SLC47A2: variants seen among roughly 807,000 people sequenced by gnomAD.
The protein encoded by SLC47A2 is multidrug and toxin extrusion protein 2.
Under a neutral mutation model 67.7 loss-of-function variants are expected in SLC47A2, and 52 were observed. The ratio of observed to expected loss-of-function variants is 0.77; its 90% CI spans 0.61 to 0.97. SLC47A2 has a LOEUF of 0.97. SLC47A2 is among the 50% of genes least tolerant of loss of function. The pLI is 0.00. For missense variants in SLC47A2, 676 were observed against 712.3 expected (o/e 0.95, Z 0.58); for synonymous variants, 278 against 292.9 (o/e 0.95, Z 0.52).
chr17:19,685,516 G>A lies in SLC47A2; in HGVS notation c.1165-3846C>T, dbSNP rs565017050. Among the ~76,000 whole-genome samples the A allele has an allele frequency of 9.9e-5, 15 of 151,860 alleles. No individual in the cohort carries two copies. In the East Asian group the frequency reaches 1.7e-3, roughly 18 times the overall value. On this transcript the variant is annotated intron_variant, in intron 13 of 16. Coordinates refer to ENST00000433844, the MANE Select transcript of SLC47A2 (RefSeq NM_001099646.3). The surrounding 1 kb of genome is among the most constrained non-coding windows in gnomAD (Gnocchi z 4.5). Reference sequence around the variant, plus strand: ...TCGCCCCATCTGGGAGGTGAGGAGCGCCTCTGCCTGGCCGCCCCGTCTGGG... The same window carrying A: ...TCGCCCCATCTGGGAGGTGAGGAGCACCTCTGCCTGGCCGCCCCGTCTGGG...
chr17:19,704,292 A>G, intron 10 of SLC47A2, 114 bp from the exon 11 acceptor site: 2 of 803,864 alleles, frequency 2.5e-6, no homozygotes, highest in Non-Finnish European at 1.9e-6. Flanking sequence ...GATCTCAGGC[A>G]TGCAGTGTAA....
chr17:19,703,213 A>G (rs1162613945), intron 11 of SLC47A2, 46 bp from the exon 12 acceptor site: 76 of 1,578,376 alleles, frequency 4.8e-5, no homozygotes, highest in Non-Finnish European at 6.4e-5. Flanking sequence ...CAAGCCAGGA[A>G]GCACCCTTGC....
rs374586613 is a variant in SLC47A2, at chr17:19,708,999, G to A, written c.487-239C>T. Among the ~76,000 whole-genome samples the A allele has an allele frequency of 3.2e-4, 49 of 152,346 alleles. 1 individual carries two copies. The East Asian group carries it at 9.3e-3, about 29-fold the overall frequency. On this transcript the variant is annotated intron_variant, in intron 5 of 16. Coordinates refer to ENST00000433844, the MANE Select transcript of SLC47A2 (RefSeq NM_001099646.3). ...CCTTCTGCCACAGGGGAGATGAGCA[G>A]GCATGCTTTGGCTCAGAGAGAGTAC... is the stretch of plus-strand genomic sequence containing the variant.
chr17:19,678,670 T>G lies in SLC47A2; in HGVS notation c.*16A>C. The G allele has an allele frequency of 6.2e-7, 1 of 1,610,716 alleles. No homozygotes were observed. The highest frequency in any genetic ancestry group is 8.5e-7 in the Non-Finnish European group (1 of 1,178,678). ...GGGGACAGCCACTCCTGGCTTTCTATTTCCAAGCTTCTTTGCTAGTGCCTG... is the reference window on the plus strand; with the variant it reads ...GGGGACAGCCACTCCTGGCTTTCTAGTTCCAAGCTTCTTTGCTAGTGCCTG... On this transcript the variant is annotated 3_prime_UTR_variant, in exon 17 of 17. Transcript: ENST00000433844.
At position 19,681,674 on chromosome 17, in the gene SLC47A2, G is replaced by T; in HGVS notation, c.1165-4C>A. 6.2e-7 allele frequency: 1 copy of T among 1,607,164 alleles called. No homozygotes were observed. The highest frequency in any genetic ancestry group is 1.1e-5 in the South Asian group (1 of 90,436). ...TCAGAACTCCGCCATAGACACACTA[G>T]GAGGGGAGACAGAAATGGGCAAGAG... On this transcript the variant is annotated splice_polypyrimidine_tract_variant and splice_region_variant and intron_variant, in intron 13 of 16. Transcript: ENST00000433844.
chr17:19,713,413 A>AATCATCATCATC (rs549694670), intron 4 of SLC47A2, among the ~76,000 whole-genome samples: 1 of 147,802 alleles, frequency 6.8e-6, no homozygotes, highest in African/African-American at 2.5e-5. Flanking sequence ...TAATAATAAT[A>AATCATCATCATC]ATCATCATCA....
intron 13 of SLC47A2, among the ~76,000 whole-genome samples, chr17:19,682,363 A>C (rs551111329): frequency 6.6e-5 from 10 of 151,238 alleles, no homozygotes; most frequent in African/African-American, 2.4e-4. Flanking sequence ...ACACACACAC[A>C]CAAATTTATT....
At chr17:19,695,204 G>A (rs2085632313) in intron 13 of SLC47A2, among the ~76,000 whole-genome samples, 1 of 151,946 alleles carries the variant, frequency 6.6e-6, no homozygotes, top group Admixed American at 6.6e-5. Flanking sequence ...CTTGAAAATT[G>A]GTAATAGTAT....
At position 19,713,979 on chromosome 17, in the gene SLC47A2, A is replaced by G. The variant is rs1403401832; in HGVS notation, c.295-6T>C. ...TTGTTGGGGCTGCCGAAGCTCTGCA[A>G]AACAGCCCGCCCCGCGTCAGCCGTT... is the stretch of plus-strand genomic sequence containing the variant. On this transcript the variant is annotated splice_region_variant and splice_polypyrimidine_tract_variant and intron_variant, in intron 3 of 16. Coordinates refer to ENST00000433844, the MANE Select transcript of SLC47A2 (RefSeq NM_001099646.3). The G allele has an allele frequency of 4.3e-6, 7 of 1,610,340 alleles. No homozygotes were observed. The highest frequency in any genetic ancestry group is 5.9e-6 in the Non-Finnish European group (7 of 1,177,522).
In SLC47A2 at chr17:19,704,616, T is replaced by G. The variant is rs1012848100; in HGVS notation, c.910-438A>C. On this transcript the variant is annotated intron_variant, in intron 10 of 16. Coordinates refer to ENST00000433844, the MANE Select transcript of SLC47A2 (RefSeq NM_001099646.3). ...ATGTAGATTTTTGTGACTCCTTTGC[T>G]TAAAGCTGGGGTCAGGGATAACATG... The G allele has an allele frequency of 2.0e-6, 3 of 1,503,928 alleles. No homozygotes were observed. The African/African-American group carries it at 4.2e-5, about 21-fold the overall frequency. The allele number at this position is 1,503,928 out of a possible 1,614,324, so 93.2% of individuals were successfully genotyped here. A position where few individuals can be genotyped will look rare whatever the true frequency, so the allele number is the denominator to read the frequency against.
Position 19,702,423 on chromosome 17 carries a change from G to A in SLC47A2, c.1164+182C>T, listed in dbSNP as rs1288705433. On this transcript the variant is annotated intron_variant, in intron 13 of 16. Transcript: ENST00000433844. ...CTCGTGTAAATTGCAGAAGAAGAGG[G>A]AAGTCACTGTTTGAAATAAGAATGG... The A allele has an allele frequency of 3.0e-6, 3 of 985,294 alleles. No individual in the cohort carries two copies. The African/African-American group carries it at 5.2e-5, about 17-fold the overall frequency. 61.0% of individuals were successfully genotyped at this position (985,294 alleles called of 1,614,324 possible). A position where few individuals can be genotyped will look rare whatever the true frequency, so the allele number is the denominator to read the frequency against.
chr17:19,687,810 C>A (rs2085458763), intron 13 of SLC47A2, among the ~76,000 whole-genome samples: 1 of 152,110 alleles, frequency 6.6e-6, no homozygotes, highest in African/African-American at 2.4e-5. Context: ...GAAACCTGAA[C>A]AGACTAATAA....
intron 13 of SLC47A2, among the ~76,000 whole-genome samples, chr17:19,700,639 C>T (rs1263519816): frequency 6.6e-6 from 1 of 152,012 alleles, no homozygotes; most frequent in Non-Finnish European, 1.5e-5. Flanking sequence ...GTAGTGCACA[C>T]CTGTAGTCCC....
In SLC47A2 at chr17:19,715,228, G is replaced by A; in HGVS notation, c.124-11C>T. ...CACCTGGAACAGGAACTGGAGGACA[G>A]CGGCCAGGTCAGACTCGGGGCCACA... On this transcript the variant is annotated splice_polypyrimidine_tract_variant and intron_variant, in intron 1 of 16. Transcript: ENST00000433844. The A allele has an allele frequency of 6.2e-7, 1 of 1,606,636 alleles. No homozygotes were observed. The highest frequency in any genetic ancestry group is 8.5e-7 in the Non-Finnish European group (1 of 1,179,542).
In SLC47A2 at chr17:19,679,957, G is replaced by T. The variant is rs2085277286; in HGVS notation, c.1475C>A (p.Ser492Tyr). 1.2e-6 allele frequency: 2 copies of T among 1,613,660 alleles called. No individual in the cohort carries two copies. Among genetic ancestry groups the T allele is most frequent in the Non-Finnish European group, 1.7e-6 (2 of 1,179,836 alleles). Residue 492 changes from serine (S) to tyrosine (Y), a missense_variant, in exon 16 of 17, where the codon TCT becomes TAT. Coordinates refer to ENST00000433844, the MANE Select transcript of SLC47A2 (RefSeq NM_001099646.3). ...AGCAGCGGTGACAGTATTACCTGAA[G>T]ATAGGACTGCTTTCTCAGGCCCAGG... ...TRPGPEKAVL[S>Y]SVATGSSPGI...
chr17:19,683,650 A>G (rs1209323935), intron 13 of SLC47A2, among the ~76,000 whole-genome samples: 1 of 152,212 alleles, frequency 6.6e-6, no homozygotes, highest in Admixed American at 6.5e-5. Flanking sequence ...GCCTGTCCAC[A>G]TGGGCTGAAG....
chr17:19,708,646 AG>A, intron 6 of SLC47A2, 69 bp downstream of exon 6: 1 of 1,602,742 alleles, frequency 6.2e-7, no homozygotes, highest in East Asian at 2.2e-5. Flanking sequence ...GGAAAGCCCC[AG>A]GCCCCCCTCC....
chr17:19,707,749 C>T lies in SLC47A2; in HGVS notation c.724G>A (p.Ala242Thr). 1 of 1,586,024 alleles carries T rather than the reference C, an allele frequency of 6.3e-7. No homozygotes were observed. Among genetic ancestry groups the T allele is most frequent in the Non-Finnish European group, 8.6e-7 (1 of 1,166,824 alleles). ...CAGAGCAGGCCAGGCCTCCCACCTG[C>T]CCACGTCTCCAGGTGCAGCTTCTTC... Reference protein sequence around the residue: ...VLKKLHLETWAGWSSQCLQDW... With the variant: ...VLKKLHLETWTGWSSQCLQDW... Residue 242 changes from alanine to threonine, a missense_variant, in exon 8 of 17, where the codon GCA becomes ACA. Coordinates refer to ENST00000433844, the MANE Select transcript of SLC47A2 (RefSeq NM_001099646.3).
At position 19,681,437 on chromosome 17, in the gene SLC47A2, C is replaced by G; in HGVS notation, c.1322G>C (p.Cys441Ser). Residue 441 changes from cysteine to serine, a missense_variant, in exon 15 of 17, where the codon TGT becomes TCT. Transcript: ENST00000433844. ...IMGLWLGMLA[C>S]VFLATAAFVA... is the part of the protein sequence containing the mutation. ...AAAGGCAGCAGTTGCCAGGAAGACA[C>G]AGGCCAGCATGCCCAGCCAGAGGCC... The G allele has an allele frequency of 6.2e-7, 1 of 1,613,894 alleles. No individual in the cohort carries two copies. The highest frequency in any genetic ancestry group is 8.5e-7 in the Non-Finnish European group (1 of 1,179,930).
Sources: allele counts gnomAD v4.1 joint callset (sites outside exome capture counted in the v4.1 genomes callset), GRCh38; gene constraint gnomAD v4.1.1; non-coding constraint Gnocchi (gnomAD v3.1); transcripts MANE v1.5; gene names NCBI Gene and HGNC (gene_info 2026-07-23, HGNC 2026-07-21).